HS3ST3B1: variants seen among roughly 807,000 people sequenced by gnomAD.
HS3ST3B1 encodes heparan sulfate-glucosamine 3-sulfotransferase 3B1.
Under a neutral mutation model 21.3 loss-of-function variants are expected in HS3ST3B1, and 13 were observed. The observed-to-expected ratio is 0.61, with a 90% CI of 0.40 to 0.97. The LOEUF (loss-of-function observed/expected upper bound fraction) is 0.97. Ranked by LOEUF, HS3ST3B1 falls within the 50% of genes least tolerant of loss-of-function variation. HS3ST3B1 has a pLI of 0.00. For synonymous variants in HS3ST3B1, 234 were observed against 254.8 expected, an observed-to-expected ratio of 0.92 and a Z score of 0.78; for missense variants, 459 against 554.8, an observed-to-expected ratio of 0.83 and a Z score of 1.73.
chr17:14,326,921 CAAAAAAAAAA>C (rs60800866), intron 1 of HS3ST3B1, among the ~76,000 whole-genome samples: 6 of 60,484 alleles, frequency 9.9e-5, no homozygotes, highest in South Asian at 6.6e-4. Context: ...AACTCTGTCT[CAAAAAAAAAA>C]AAAAAAAAAA....
chr17:14,333,323 C>T (rs1453070944), intron 1 of HS3ST3B1, among the ~76,000 whole-genome samples: 2 of 151,738 alleles, frequency 1.3e-5, no homozygotes, highest in East Asian at 1.9e-4. Flanking sequence ...AAAAATTAGC[C>T]GAGCATGGTG....
chr17:14,301,695 G>A lies in HS3ST3B1; in HGVS notation c.177G>A (p.Pro59=), dbSNP rs576668358. The A allele has an allele frequency of 1.9e-6, 3 of 1,600,910 alleles. No homozygotes were observed. The highest frequency in any genetic ancestry group is 2.6e-6 in the Non-Finnish European group (3 of 1,175,908). Reference sequence around the variant, plus strand: ...GCGCCGGCTCCTGCGCCGCCGCGCCGGGGCTGCTGCTCCTGGGCTCTGGGT... The same window carrying A: ...GCGCCGGCTCCTGCGCCGCCGCGCCAGGGCTGCTGCTCCTGGGCTCTGGGT... ...YSCAGSCAAA[P]GLLLLGSGSR... Residue 59 remains proline, a synonymous_variant, in exon 1 of 2, where the codon CCG becomes CCA. Coordinates refer to ENST00000360954, the MANE Select transcript of HS3ST3B1 (RefSeq NM_006041.3).
Position 14,326,764 on chromosome 17 carries a change from CA to C in HS3ST3B1, c.555-18257del, listed in dbSNP as rs568132604. ...TGAAACCCCATCTCTACTACAAATA[CA>C]AAAAAACTAGCTGGACGTGGTGGTG... On this transcript the variant is annotated intron_variant, in intron 1 of 1. Transcript: ENST00000360954. 3.5e-3 allele frequency among the ~76,000 whole-genome samples: 530 copies of C among 151,694 alleles called. 7 individuals carry two copies. Among genetic ancestry groups the C allele is most frequent in the African/African-American group, 0.012 (506 of 41,352 alleles).
At chr17:14,342,515 G>A (rs556702278) in intron 1 of HS3ST3B1, among the ~76,000 whole-genome samples, 81 of 152,262 alleles carry the variant, frequency 5.3e-4, no homozygotes, top group African/African-American at 1.7e-3. Context: ...ATGATATGCC[G>A]TAAACTGTGT....
intron 1 of HS3ST3B1, among the ~76,000 whole-genome samples, chr17:14,309,431 C>A (rs1029078957): frequency 6.6e-6 from 1 of 152,212 alleles, no homozygotes; most frequent in Non-Finnish European, 1.5e-5. Flanking sequence ...CTGAGCGGCC[C>A]GCGCTAGAGG....
chr17:14,315,994 C>G (rs964457856), intron 1 of HS3ST3B1, among the ~76,000 whole-genome samples: 6 of 152,294 alleles, frequency 3.9e-5, no homozygotes, highest in Admixed American at 6.5e-5. Context: ...ACCCTCCTTT[C>G]ATTCATACCT....
chr17:14,313,127 T>TGTATATATATATATATATATGA, intron 1 of HS3ST3B1, among the ~76,000 whole-genome samples: 1 of 149,972 alleles, frequency 6.7e-6, no homozygotes, highest in Non-Finnish European at 1.5e-5. Context: ...TATATATGTG[T>TGTATATATATATATATATATGA]GTGTGTGTAT....
chr17:14,328,873 A>G (rs1909894591), intron 1 of HS3ST3B1: 1 of 152,202 alleles, frequency 6.6e-6, no homozygotes, highest in Non-Finnish European at 1.5e-5. Context: ...AGAGAGAGCA[A>G]CTGCTTCATT....
chr17:14,309,498 G>C (rs1909237783), intron 1 of HS3ST3B1, among the ~76,000 whole-genome samples: 1 of 150,852 alleles, frequency 6.6e-6, no homozygotes, highest in Non-Finnish European at 1.5e-5. Flanking sequence ...GCTGCGGAGA[G>C]ACCAATGGTG....
At chr17:14,316,250 A>G (rs1379061211) in intron 1 of HS3ST3B1, among the ~76,000 whole-genome samples, 1 of 152,204 alleles carries the variant, frequency 6.6e-6, no homozygotes, top group East Asian at 1.9e-4. Flanking sequence ...CCCTGGCCCC[A>G]GATGATTGCT....
At chr17:14,339,198 G>A (rs1910293509) in intron 1 of HS3ST3B1, among the ~76,000 whole-genome samples, 2 of 152,106 alleles carry the variant, frequency 1.3e-5, no homozygotes, top group South Asian at 4.1e-4. Flanking sequence ...GGCCAGGGTT[G>A]CTGGAGGGGA....
intron 1 of HS3ST3B1, among the ~76,000 whole-genome samples, chr17:14,308,864 C>T (rs1048751216): frequency 6.6e-6 from 1 of 152,162 alleles, no homozygotes; most frequent in African/African-American, 2.4e-5. Flanking sequence ...GTCTTTGCCC[C>T]ACACTGCTTA....
At chr17:14,340,175 T>C (rs1453514549) in intron 1 of HS3ST3B1, among the ~76,000 whole-genome samples, 4 of 152,120 alleles carry the variant, frequency 2.6e-5, no homozygotes, top group Admixed American at 1.3e-4. Flanking sequence ...CTGAACCTTC[T>C]CCCAGGACCT....
intron 1 of HS3ST3B1, chr17:14,327,381 G>T (rs1467679259): frequency 1.3e-5 from 2 of 152,206 alleles, no homozygotes; most frequent in African/African-American, 4.8e-5. Flanking sequence ...CAGAGGTAAA[G>T]CATCCCAAGT....
Position 14,301,769 on chromosome 17 carries a change from C to A in HS3ST3B1, c.251C>A (p.Thr84Lys). Residue 84 changes from threonine to lysine, a missense_variant, in exon 1 of 2, where the codon ACG becomes AAG. Thr to Lys is a moderately conservative substitution (Grantham distance 78). Transcript: ENST00000360954. ...GCCCTGGCCACAGCTCCGGACGGGA[C>A]GCCCCCCAGGCTGCCGTTCCGGGCG... ...PPALATAPDG[T>K]PPRLPFRAPP... 6.4e-7 allele frequency: 1 copy of A among 1,572,296 alleles called. No homozygotes were observed. Among genetic ancestry groups the A allele is most frequent in the Non-Finnish European group, 8.6e-7 (1 of 1,159,842 alleles).
chr17:14,332,835 T>TC (rs1361332489), intron 1 of HS3ST3B1, among the ~76,000 whole-genome samples: 12 of 141,132 alleles, frequency 8.5e-5, no homozygotes, highest in Non-Finnish European at 1.6e-4. Flanking sequence ...TTATCTTTTT[T>TC]TTTTTTTTTT....
intron 1 of HS3ST3B1, among the ~76,000 whole-genome samples, chr17:14,318,181 C>T (rs571462439): frequency 2.6e-5 from 4 of 152,218 alleles, no homozygotes; most frequent in African/African-American, 9.6e-5. Flanking sequence ...TCTCCAACTC[C>T]CCGCTCGGCT....
chr17:14,326,788 G>A (rs957863331), intron 1 of HS3ST3B1, among the ~76,000 whole-genome samples: 2 of 152,008 alleles, frequency 1.3e-5, no homozygotes, highest in Admixed American at 1.3e-4. Context: ...GGACGTGGTG[G>A]TGTGCACCTG....
intron 1 of HS3ST3B1, among the ~76,000 whole-genome samples, chr17:14,311,482 T>C (rs560994733): frequency 2.0e-5 from 3 of 152,186 alleles, no homozygotes; most frequent in Non-Finnish European, 4.4e-5. Context: ...TCTGCCACTA[T>C]CACCATCCTC....
Sources: allele counts gnomAD v4.1 joint callset (sites outside exome capture counted in the v4.1 genomes callset), GRCh38; gene constraint gnomAD v4.1.1; transcripts MANE v1.5; gene names NCBI Gene and HGNC (gene_info 2026-07-23, HGNC 2026-07-21).